ZNF684: variants seen among roughly 807,000 people sequenced by gnomAD.
The protein encoded by ZNF684 is zinc finger protein 684.
ZNF684 carries 13 observed loss-of-function variants against 12.8 expected under a neutral mutation model. The ratio of observed to expected loss-of-function variants is 1.02; its 90% CI spans 0.66 to 1.62. The LOEUF (loss-of-function observed/expected upper bound fraction) is 1.62, where lower values mean the gene tolerates loss of function less well. Ranked by LOEUF, ZNF684 falls within the 40% of genes most tolerant of loss-of-function variation. ZNF684 has a pLI of 0.00. For missense variants in ZNF684, 384 were observed against 446.9 expected (o/e 0.86, Z 1.27); for synonymous variants, 118 against 151.8 (o/e 0.78, Z 1.64).
At position 40,547,533 on chromosome 1, in the gene ZNF684, G is replaced by A. The variant is rs1487432404; in HGVS notation, c.*73G>A. 2.3e-6 allele frequency: 3 copies of A among 1,316,022 alleles called. No homozygotes were observed. The highest frequency in any genetic ancestry group is 3.0e-6 in the Non-Finnish European group (3 of 986,694). 81.5% of individuals were successfully genotyped at this position (1,316,022 alleles called of 1,614,324 possible). ...CTTATTAAATACTAAAGAATTCATG[G>A]TGAGAAGTCTACAATTTAAATGAAT... On this transcript the variant is annotated 3_prime_UTR_variant, in exon 5 of 5. Transcript: ENST00000372699.
intron 4 of ZNF684, chr1:40,544,524 G>A (rs1411391028): frequency 3.4e-6 from 1 of 292,236 alleles, no homozygotes; most frequent in East Asian, 1.3e-4. Context: ...GCTAATTTTT[G>A]TATTTTTAGT....
At chr1:40,544,501 G>T in intron 4 of ZNF684, 1 of 316,600 alleles carries the variant, frequency 3.2e-6, no homozygotes, top group Non-Finnish European at 6.3e-6. Flanking sequence ...ACAGGCGCCC[G>T]CCACCATGCC....
intron 2 of ZNF684, among the ~76,000 whole-genome samples, chr1:40,534,022 C>T (rs1348662214): frequency 6.6e-6 from 1 of 151,570 alleles, no homozygotes; most frequent in East Asian, 1.9e-4. Flanking sequence ...CGGGGTTTCA[C>T]CTTGTTGACC....
intron 4 of ZNF684, among the ~76,000 whole-genome samples, chr1:40,543,679 G>T (rs1425555018): frequency 6.6e-6 from 1 of 151,956 alleles, no homozygotes. Context: ...GATGGTCTCG[G>T]TCTCCTGACC....
At chr1:40,535,439 C>CA (rs1188351772) in intron 2 of ZNF684, among the ~76,000 whole-genome samples, 2 of 152,090 alleles carry the variant, frequency 1.3e-5, no homozygotes, top group African/African-American at 2.4e-5. Context: ...ATATTCATTG[C>CA]AAAAAAATCT....
At chr1:40,538,015 TC>T (rs1216409777) in intron 2 of ZNF684, among the ~76,000 whole-genome samples, 1 of 152,116 alleles carries the variant, frequency 6.6e-6, no homozygotes, top group Non-Finnish European at 1.5e-5. Context: ...TACAATAGTT[TC>T]CTATTTTTCT....
intron 3 of ZNF684, among the ~76,000 whole-genome samples, chr1:40,541,006 G>C (rs1307061779): frequency 6.8e-6 from 1 of 147,592 alleles, no homozygotes; most frequent in Non-Finnish European, 1.5e-5. Context: ...ATTCCAGCCT[G>C]GGTGACAGAG....
At chr1:40,539,307 G>A (rs1260388768) in intron 2 of ZNF684, among the ~76,000 whole-genome samples, 1 of 152,080 alleles carries the variant, frequency 6.6e-6, no homozygotes, top group African/African-American at 2.4e-5. Context: ...GGGATTACAG[G>A]CATGAGCCAC....
chr1:40,547,056 T>G lies in ZNF684; in HGVS notation c.733T>G (p.Cys245Gly). 1 of 1,614,168 alleles carries G rather than the reference T, an allele frequency of 6.2e-7. No homozygotes were observed. The highest frequency in any genetic ancestry group is 1.1e-5 in the South Asian group (1 of 91,080). The change falls in exon 5 of 5, where the codon TGC (cysteine) becomes GGC (glycine). Residue 245 changes from cysteine (C) to glycine (G), a missense_variant. By Grantham distance (159) the Cys-to-Gly change is radical (BLOSUM62 -3). Coordinates refer to ENST00000372699, the MANE Select transcript of ZNF684 (RefSeq NM_152373.4). ...TCACACTGGAGAGAAGCCTTATGAG[T>G]GCAGTCAATGTGGGAAAACATTCAC... ...RLHTGEKPYE[C>G]SQCGKTFTWN...
At chr1:40,535,503 A>G (rs1411655212) in intron 2 of ZNF684, among the ~76,000 whole-genome samples, 2 of 152,216 alleles carry the variant, frequency 1.3e-5, no homozygotes, top group Admixed American at 6.5e-5. Flanking sequence ...GATTAACTGT[A>G]ATTGCTAGCC....
rs541675776 is a variant in ZNF684, at chr1:40,537,059, T to A, written c.16-3527T>A. ...TGGGATGGCTGGGTCAAATGGTATTTCTAATTCTAGATCCTTGAGGAATCG... is the reference window on the plus strand; with the variant it reads ...TGGGATGGCTGGGTCAAATGGTATTACTAATTCTAGATCCTTGAGGAATCG... On this transcript the variant is annotated intron_variant, in intron 2 of 4. Coordinates refer to ENST00000372699, the MANE Select transcript of ZNF684 (RefSeq NM_152373.4). Among the ~76,000 whole-genome samples, 16 of 152,342 alleles carry A rather than the reference T, an allele frequency of 1.1e-4. No individual in the cohort carries two copies. In the South Asian group the frequency reaches 2.9e-3, roughly 28 times the overall value.
rs1436649717 is a variant in ZNF684 at position 40,546,795 on chromosome 1, G to A, written c.472G>A (p.Ala158Thr). The A allele has an allele frequency of 3.7e-6, 6 of 1,611,360 alleles. No homozygotes were observed. Among genetic ancestry groups the A allele is most frequent in the African/African-American group, 1.3e-5 (1 of 74,634 alleles). ...TAATAGAAGTTATACTGTAGAAAAC[G>A]CTTATGAATGCAGTGAATGCGGGAA... ...KYNRSYTVEN[A>T]YECSECGKAF... Residue 158 changes from alanine to threonine, a missense_variant, in exon 5 of 5, where the codon GCT becomes ACT. Ala to Thr is a moderately conservative substitution (Grantham distance 58, BLOSUM62 0). Coordinates refer to ENST00000372699, the MANE Select transcript of ZNF684 (RefSeq NM_152373.4).
rs146466766 is a variant in ZNF684 at position 40,542,909 on chromosome 1, G to T, written c.238+1199G>T. 5.3e-5 allele frequency among the ~76,000 whole-genome samples: 8 copies of T among 152,272 alleles called. No homozygotes were observed. In the East Asian group the frequency reaches 1.5e-3, roughly 29 times the overall value. ...TTCCCTTTCTGCAGAGTTCACAAAA[G>T]AACTCTTTCAAATGATTGACATATC... On this transcript the variant is annotated intron_variant, in intron 4 of 4. Transcript: ENST00000372699.
At position 40,546,630 on chromosome 1, in the gene ZNF684, G is replaced by C. The variant is rs200249517; in HGVS notation, c.307G>C (p.Val103Leu). The stretch of plus-strand genomic sequence containing the variant: ...AAGCAAAGACAATTTTTTGAAGTCA[G>C]TTTTGCTCACATTCAATAAAATTCT... ...RESKDNFLKSVLLTFNKILTM... is the reference protein window; with the variant it reads ...RESKDNFLKSLLLTFNKILTM... The change falls in exon 5 of 5, where the codon GTT becomes CTT. Residue 103 changes from valine (V) to leucine (L), a missense_variant. Val to Leu is a conservative substitution (Grantham distance 32). Transcript: ENST00000372699. 4.3e-5 allele frequency: 69 copies of C among 1,598,730 alleles called. No individual in the cohort carries two copies. The South Asian group carries it at 6.7e-4, about 16-fold the overall frequency.
intron 2 of ZNF684, among the ~76,000 whole-genome samples, chr1:40,536,748 G>A (rs1645987895): frequency 6.8e-6 from 1 of 147,964 alleles, no homozygotes; most frequent in Admixed American, 6.9e-5. Context: ...CCACCTATGA[G>A]TGAGAATATG....
intron 4 of ZNF684, among the ~76,000 whole-genome samples, chr1:40,542,228 A>G (rs894880142): frequency 1.3e-5 from 2 of 152,226 alleles, no homozygotes; most frequent in Non-Finnish European, 2.9e-5. Context: ...AAACACTTCA[A>G]ATAGTTGGCA....
At chr1:40,533,258 GA>G in intron 2 of ZNF684, 77 bp downstream of exon 2, 2 of 1,405,434 alleles carry the variant, frequency 1.4e-6, no homozygotes, top group Non-Finnish European at 9.9e-7. Flanking sequence ...GTATGGTCAG[GA>G]AAAATGTAAA....
chr1:40,541,712 T>A lies in ZNF684; in HGVS notation c.238+2T>A. 6.2e-7 allele frequency: 1 copy of A among 1,611,536 alleles called. No individual in the cohort carries two copies. Among genetic ancestry groups the A allele is most frequent in the Non-Finnish European group, 8.5e-7 (1 of 1,178,416 alleles). ...CGAATCCACACGAGAGCTCTCCAGG[T>A]GAGTGAGAGAAATTCAGATGGGGCT... On this transcript the variant is annotated splice_donor_variant, in intron 4 of 4. Transcript: ENST00000372699. LOFTEE classifies it high-confidence loss of function.
chr1:40,539,564 C>G (rs1055818815), intron 2 of ZNF684, among the ~76,000 whole-genome samples: 2 of 152,118 alleles, frequency 1.3e-5, no homozygotes, highest in African/African-American at 4.8e-5. Context: ...TCCCAGTGTA[C>G]AGGAGTTGAG....
Sources: gnomAD v4.1 joint callset for allele counts (sites outside exome capture counted in the v4.1 genomes callset) on GRCh38, gnomAD v4.1.1 for gene constraint, MANE v1.5 for transcripts, NCBI Gene and HGNC (gene_info 2026-07-23, HGNC 2026-07-21) for gene names.